ITGA2: variants seen among roughly 807,000 people sequenced by gnomAD.
ITGA2 encodes integrin alpha-2.
A neutral mutation model predicts 146.3 loss-of-function variants in ITGA2; 101 were observed. The ratio of observed to expected loss-of-function variants is 0.69; its 90% CI spans 0.59 to 0.81. The LOEUF is 0.81. Ranked by LOEUF, ITGA2 falls within the 40% of genes least tolerant of loss-of-function variation. The pLI is 0.00. For synonymous variants in ITGA2, 477 were observed against 487.1 expected, an observed-to-expected ratio of 0.98 and a Z score of 0.27; for missense variants, 1,281 against 1,402.7, an observed-to-expected ratio of 0.91 and a Z score of 1.39.
intron 28 of ITGA2, chr5:53,089,183 A>T (rs1323701785): frequency 6.6e-6 from 1 of 152,226 alleles, no homozygotes; most frequent in Non-Finnish European, 1.5e-5. Context: ...TTAATGTTAC[A>T]TCAAGTAAAT....
At chr5:53,047,071 AAAAT>A (rs1266859178) in intron 4 of ITGA2, among the ~76,000 whole-genome samples, 4 of 152,230 alleles carry the variant, frequency 2.6e-5, no homozygotes, top group African/African-American at 7.2e-5. Flanking sequence ...ATTAATTGGC[AAAAT>A]AAATCAGTTT....
chr5:53,055,900 AT>A, intron 8 of ITGA2, 83 bp from the exon 9 acceptor site: 1 of 1,372,694 alleles, frequency 7.3e-7, no homozygotes, highest in Non-Finnish European at 1.0e-6. Context: ...CAGAGGGAAT[AT>A]TGTGTTCAAA....
chr5:53,090,742 G>A lies in ITGA2; in HGVS notation c.*143G>A. ...CTGGTATTTTAAGAGAAAACTGCAG[G>A]TCAGTTTGGAATGAAGAAATTGTGG... On this transcript the variant is annotated 3_prime_UTR_variant, in exon 30 of 30. Transcript: ENST00000296585. 1 of 497,322 alleles carries A rather than the reference G, an allele frequency of 2.0e-6. No homozygotes were observed. Among genetic ancestry groups the A allele is most frequent in the Non-Finnish European group, 3.9e-6 (1 of 256,098 alleles). The allele number at this position is 497,322 out of a possible 1,614,324, so 30.8% of individuals were successfully genotyped here. A position where few individuals can be genotyped will look rare whatever the true frequency, so the allele number is the denominator to read the frequency against.
intron 1 of ITGA2, among the ~76,000 whole-genome samples, chr5:53,000,848 G>T (rs1022322907): frequency 6.7e-6 from 1 of 149,126 alleles, no homozygotes; most frequent in East Asian, 1.9e-4. Flanking sequence ...TTGAGGCTTG[G>T]GTGATATTTT....
chr5:53,068,609 T>A (rs1417069933), intron 16 of ITGA2, among the ~76,000 whole-genome samples: 1 of 151,920 alleles, frequency 6.6e-6, no homozygotes, highest in Non-Finnish European at 1.5e-5. Context: ...CCTTTCTTAC[T>A]ATTGGGCATC....
At chr5:53,059,817 A>G in intron 10 of ITGA2, 57 bp from the exon 11 acceptor site, 2 of 1,538,982 alleles carry the variant, frequency 1.3e-6, no homozygotes, top group Non-Finnish European at 1.8e-6. Context: ...CCTACCCTGC[A>G]TTCTTATGTT....
intron 2 of ITGA2, among the ~76,000 whole-genome samples, chr5:53,032,389 A>G (rs1743267897): frequency 6.6e-6 from 1 of 152,108 alleles, no homozygotes; most frequent in South Asian, 2.1e-4. Context: ...TTTATTGAGT[A>G]CTCTTTCCTT....
At chr5:53,048,088 T>C (rs1315015807) in intron 4 of ITGA2, among the ~76,000 whole-genome samples, 1 of 152,162 alleles carries the variant, frequency 6.6e-6, no homozygotes, top group Non-Finnish European at 1.5e-5. Flanking sequence ...ATCTAGCTTG[T>C]TGGGAGACCT....
At chr5:53,075,754 A>C (rs1319407298) in intron 23 of ITGA2, among the ~76,000 whole-genome samples, 5 of 152,040 alleles carry the variant, frequency 3.3e-5, no homozygotes, top group Non-Finnish European at 7.4e-5. Flanking sequence ...GTAGGTCCAC[A>C]ATAAATATTG....
At chr5:53,022,212 T>TG (rs1407554395) in intron 1 of ITGA2, among the ~76,000 whole-genome samples, 1 of 111,632 alleles carries the variant, frequency 9.0e-6, no homozygotes, top group Non-Finnish European at 2.0e-5. Flanking sequence ...CACTGCATTT[T>TG]TTTTTTTGGG....
At position 53,075,540 on chromosome 5, in the gene ITGA2, C is replaced by T. The variant is rs12518279; in HGVS notation, c.2825+236C>T. On this transcript the variant is annotated intron_variant, in intron 23 of 29. Transcript: ENST00000296585. ...GCCCAGAAAGGCAGAGAAAGATCCC[C>T]GTAGCCACACATCACAGGCACACTC... is the stretch of plus-strand genomic sequence containing the variant. 0.48 allele frequency among the ~76,000 whole-genome samples: 72,622 copies of T among 151,702 alleles called. 17,405 individuals carry two copies. Among genetic ancestry groups the T allele is most frequent in the Middle Eastern group, 0.52 (153 of 294 alleles).
At chr5:53,030,753 G>A (rs936893489) in intron 2 of ITGA2, among the ~76,000 whole-genome samples, 2 of 152,242 alleles carry the variant, frequency 1.3e-5, no homozygotes, top group African/African-American at 4.8e-5. Flanking sequence ...ATGCAGAATA[G>A]GCAACTTTGA....
chr5:53,010,398 A>G (rs141091708), intron 1 of ITGA2, among the ~76,000 whole-genome samples: 21 of 152,248 alleles, frequency 1.4e-4, no homozygotes, highest in African/African-American at 4.6e-4. Flanking sequence ...TAGGTATTAA[A>G]TTTGTTTAAG....
chr5:53,024,562 A>G (rs1006028722), intron 1 of ITGA2, among the ~76,000 whole-genome samples: 3 of 152,214 alleles, frequency 2.0e-5, no homozygotes, highest in Admixed American at 6.5e-5. Flanking sequence ...GCTATATAAG[A>G]TAATTTTGGA....
At chr5:53,027,915 T>C (rs1251507166) in intron 2 of ITGA2, among the ~76,000 whole-genome samples, 3 of 152,092 alleles carry the variant, frequency 2.0e-5, no homozygotes, top group African/African-American at 7.2e-5. Context: ...ACCTCATCTC[T>C]ATTAAAAACC....
At chr5:53,070,061 T>A in intron 16 of ITGA2, 48 bp from the exon 17 acceptor site, 1 of 1,500,176 alleles carries the variant, frequency 6.7e-7, no homozygotes, top group Non-Finnish European at 9.3e-7. Context: ...TGCTTTTTCC[T>A]ATAAGTTGAT....
intron 28 of ITGA2, among the ~76,000 whole-genome samples, chr5:53,088,362 G>T (rs1322320507): frequency 6.6e-6 from 1 of 151,916 alleles, no homozygotes; most frequent in Non-Finnish European, 1.5e-5. Flanking sequence ...CAATTACTAG[G>T]TGCAAAAGTA....
Position 53,091,792 on chromosome 5 carries a change from T to G in ITGA2, c.*1193T>G, listed in dbSNP as rs553561043. The G allele has an allele frequency of 2.2e-4, 34 of 152,260 alleles. No homozygotes were observed. The highest frequency in any genetic ancestry group is 7.9e-4 in the African/African-American group (33 of 41,544). The allele number at this position is 152,260 out of a possible 1,614,324, so 9.4% of individuals were successfully genotyped here. A position where few individuals can be genotyped will look rare whatever the true frequency, so the allele number is the denominator to read the frequency against. On this transcript the variant is annotated 3_prime_UTR_variant, in exon 30 of 30. Coordinates refer to ENST00000296585, the MANE Select transcript of ITGA2 (RefSeq NM_002203.4). ...TTTAGTGCTAAACAAGTAAGAAAAA[T>G]AAGCTCGAGTGAATTTCTAAATGTT...
intron 3 of ITGA2, among the ~76,000 whole-genome samples, chr5:53,044,012 C>T (rs370209932): frequency 3.0e-4 from 46 of 152,034 alleles, no homozygotes; most frequent in Middle Eastern, 3.4e-3. Context: ...TGGTGTCTCA[C>T]GCCTGTAATC....
Sources: gnomAD v4.1 joint callset for allele counts (sites outside exome capture counted in the v4.1 genomes callset) on GRCh38, gnomAD v4.1.1 for gene constraint, MANE v1.5 for transcripts, NCBI Gene and HGNC (gene_info 2026-07-23, HGNC 2026-07-21) for gene names.